Variants in DNAH6 observed in about 807,000 individuals in gnomAD.
DNAH6 encodes axonemal beta dynein heavy chain 6.
Under a neutral mutation model 491.4 loss-of-function variants are expected in DNAH6, and 340 were observed. The ratio of observed to expected loss-of-function variants is 0.69; its 90% CI spans 0.63 to 0.76. The LOEUF is 0.76. Among genes scored for constraint, DNAH6 ranks in the 30% least tolerant of loss-of-function variants. The pLI is 0.00. For missense variants in DNAH6, 4,443 were observed against 4,972.2 expected, an observed-to-expected ratio of 0.89 and a Z score of 3.20; for synonymous variants, 1,603 against 1,686.1, an observed-to-expected ratio of 0.95 and a Z score of 1.21.
intron 29 of DNAH6, among the ~76,000 whole-genome samples, chr2:84,629,127 G>C (rs1177783918): frequency 3.3e-5 from 5 of 152,012 alleles, no homozygotes; most frequent in African/African-American, 1.2e-4. Context: ...CGTTTTCACT[G>C]CTCTGTTTTT....
At chr2:84,545,486 A>T (rs528171190) in intron 5 of DNAH6, among the ~76,000 whole-genome samples, 7 of 152,176 alleles carry the variant, frequency 4.6e-5, no homozygotes, top group Non-Finnish European at 1.0e-4. Flanking sequence ...GTTGCTAGGT[A>T]TGTAAAATAG....
chr2:84,793,858 C>T (rs1343493071), intron 68 of DNAH6, among the ~76,000 whole-genome samples: 2 of 152,180 alleles, frequency 1.3e-5, no homozygotes, highest in Non-Finnish European at 2.9e-5. Context: ...ACATTGCTGT[C>T]TTGGAAGAAA....
At position 84,713,169 on chromosome 2, in the gene DNAH6, C is replaced by T; in HGVS notation, c.9453C>T (p.Leu3151=). 6.4e-7 allele frequency: 1 copy of T among 1,551,760 alleles called. No individual in the cohort carries two copies. ...TTTTTATCAGTGGTGGCCGACTACT[C>T]ATCCGTCTTGGAGACTCAGACATTG... ...KQIFISGGRL[L]IRLGDSDIDY... is the part of the protein sequence containing the mutation. Residue 3151 remains leucine (L), a synonymous_variant, in exon 57 of 77, where the codon CTC becomes CTT. Coordinates refer to ENST00000389394, the MANE Select transcript of DNAH6 (RefSeq NM_001370.2).
chr2:84,597,452 T>C (rs1684706850), intron 18 of DNAH6, among the ~76,000 whole-genome samples: 1 of 152,200 alleles, frequency 6.6e-6, no homozygotes, highest in African/African-American at 2.4e-5. Flanking sequence ...ACAGATTATA[T>C]AGGAATAAGT....
chr2:84,739,798 C>T (rs1185292258), intron 62 of DNAH6, among the ~76,000 whole-genome samples: 1 of 152,008 alleles, frequency 6.6e-6, no homozygotes, highest in East Asian at 1.9e-4. Context: ...ATTTTTCTGG[C>T]TTCTTTGTGT....
At chr2:84,649,232 C>T (rs1321327591) in intron 33 of DNAH6, among the ~76,000 whole-genome samples, 1 of 152,154 alleles carries the variant, frequency 6.6e-6, no homozygotes, top group African/African-American at 2.4e-5. Context: ...TGCTTTATTG[C>T]TATATTCACT....
chr2:84,583,924 T>G lies in DNAH6; in HGVS notation c.2230-75T>G, dbSNP rs552758763. 3.3e-5 allele frequency: 49 copies of G among 1,465,948 alleles called. No individual in the cohort carries two copies. The African/African-American group carries it at 5.6e-4, about 17-fold the overall frequency. 90.8% of individuals were successfully genotyped at this position (1,465,948 alleles called of 1,614,324 possible). ...CAATGTTCATATTGTACAGTGTCTG[T>G]CTCCTGTTAGAACAAACTTCAAGAC... On this transcript the variant is annotated intron_variant, in intron 14 of 76. Coordinates refer to ENST00000389394, the MANE Select transcript of DNAH6 (RefSeq NM_001370.2).
Position 84,707,573 on chromosome 2 carries a change from G to A in DNAH6, c.8905G>A (p.Ala2969Thr), listed in dbSNP as rs1696597957. The A allele has an allele frequency of 6.4e-7, 1 of 1,552,044 alleles. No homozygotes were observed. Among genetic ancestry groups the A allele is most frequent in the African/African-American group, 1.4e-5 (1 of 73,178 alleles). Residue 2969 changes from alanine to threonine, a missense_variant, in exon 54 of 77, where the codon GCA (alanine) becomes ACA (threonine). Physicochemically the swap from Ala to Thr is moderately conservative, Grantham distance 58. Around this residue, in one of 3 missense-constraint regions of DNAH6, gnomAD observed 1,463 missense variants for 1,656.6 expected, o/e 0.88. Transcript: ENST00000389394. ...ARLVRAGKLTAALEDEQVRWE... is the reference protein window; with the variant it reads ...ARLVRAGKLTTALEDEQVRWE... ...TCTAGTACGTGCTGGAAAGCTGACA[G>A]CAGCATTAGAAGATGAGCAGGTTCG...
intron 44 of DNAH6, 46 bp downstream of exon 44, chr2:84,686,603 A>C: frequency 9.0e-7 from 1 of 1,115,872 alleles, no homozygotes; most frequent in Non-Finnish European, 1.3e-6. Context: ...ATTGTAAAGC[A>C]TTTATTATTT....
At chr2:84,609,668 GAT>G (rs1686137473) in intron 21 of DNAH6, among the ~76,000 whole-genome samples, 1 of 122,222 alleles carries the variant, frequency 8.2e-6, no homozygotes, top group South Asian at 3.0e-4. Context: ...CACCATAACA[GAT>G]ATAATAATAA....
At chr2:84,665,777 G>A (rs1692059630) in intron 37 of DNAH6, among the ~76,000 whole-genome samples, 1 of 152,076 alleles carries the variant, frequency 6.6e-6, no homozygotes, top group Non-Finnish European at 1.5e-5. Flanking sequence ...TGACACCAAA[G>A]CCTGGCAGAG....
intron 9 of DNAH6, among the ~76,000 whole-genome samples, chr2:84,551,101 C>A (rs1679306114): frequency 6.6e-6 from 1 of 152,172 alleles, no homozygotes; most frequent in Non-Finnish European, 1.5e-5. Context: ...AACCTCCCAC[C>A]CTCACAGCTT....
chr2:84,531,552 G>A (rs1257354572), intron 4 of DNAH6, among the ~76,000 whole-genome samples: 814 of 2,234 alleles, frequency 0.36, 367 homozygotes, highest in African/African-American at 0.43. Flanking sequence ...GGGTTTCACC[G>A]TGTTAGCCAG....
At chr2:84,518,820 A>G (rs1036896530) in intron 2 of DNAH6, among the ~76,000 whole-genome samples, 4 of 152,256 alleles carry the variant, frequency 2.6e-5, no homozygotes, top group African/African-American at 9.6e-5. Flanking sequence ...AAAGCAGACA[A>G]GATTCCTGTT....
the DNAH6 span, among the ~76,000 whole-genome samples, chr2:84,498,572 C>T: frequency 1.3e-5 from 2 of 151,998 alleles, no homozygotes; most frequent in Non-Finnish European, 2.9e-5. Context: ...GTGGAAAACA[C>T]CCAGATTCAA....
the DNAH6 span, among the ~76,000 whole-genome samples, chr2:84,478,957 G>A: frequency 3.3e-5 from 5 of 152,266 alleles, no homozygotes; most frequent in Non-Finnish European, 7.3e-5. Flanking sequence ...CTGGAGTCCA[G>A]CTGTCCCCAG....
intron 33 of DNAH6, among the ~76,000 whole-genome samples, chr2:84,652,159 A>C (rs1690511788): frequency 6.6e-6 from 1 of 152,146 alleles, no homozygotes; most frequent in Admixed American, 6.5e-5. Flanking sequence ...CCTGGAAGTA[A>C]GTTTCCTAGG....
chr2:84,600,734 G>A (rs546427550), intron 18 of DNAH6, among the ~76,000 whole-genome samples: 34 of 151,938 alleles, frequency 2.2e-4, no homozygotes, highest in African/African-American at 7.7e-4. Context: ...TTCACTGATG[G>A]TGTTCAGCTT....
At chr2:84,574,262 A>G (rs1329953261) in intron 12 of DNAH6, among the ~76,000 whole-genome samples, 2 of 152,002 alleles carry the variant, frequency 1.3e-5, no homozygotes, top group African/African-American at 4.8e-5. Context: ...TGCTCTATGA[A>G]CCAGCACTAA....
Sources: gnomAD v4.1 joint callset for allele counts (sites outside exome capture counted in the v4.1 genomes callset) on GRCh38, gnomAD v4.1.1 for gene constraint, gnomAD v4.1.1 regional missense constraint, MANE v1.5 for transcripts, NCBI Gene and HGNC (gene_info 2026-07-23, HGNC 2026-07-21) for gene names.